The following MICU1 variants were observed in gnomAD, a reference collection of about 807,000 sequenced individuals.
The protein encoded by MICU1 is mitochondrial calcium uptake 1, also known as calcium uptake protein 1, mitochondrial.
In MICU1, 45 loss-of-function variants were observed where a neutral mutation model predicts 56.8. The observed-to-expected ratio is 0.79, with a 90% CI of 0.62 to 1.02. The LOEUF is 1.02. Among genes scored for constraint, MICU1 ranks in the 50% least tolerant of loss-of-function variants. The pLI, the probability that MICU1 is intolerant of heterozygous loss-of-function variation, is 0.00. For missense variants in MICU1, 504 were observed against 587.1 expected (o/e 0.86, Z 1.46); for synonymous variants, 186 against 195.1 (o/e 0.95, Z 0.39).
intron 8 of MICU1, among the ~76,000 whole-genome samples, chr10:72,471,232 G>A (rs890778770): frequency 4.6e-5 from 7 of 152,090 alleles, no homozygotes; most frequent in Non-Finnish European, 1.0e-4. Context: ...CTACAGGCAC[G>A]CGCCACCATG....
At chr10:72,504,813 C>T (rs922975595) in intron 6 of MICU1, among the ~76,000 whole-genome samples, 1 of 151,968 alleles carries the variant, frequency 6.6e-6, no homozygotes, top group Admixed American at 6.6e-5. Flanking sequence ...TAAAAGTGGG[C>T]AAAGGACATG....
chr10:72,494,161 C>T (rs899595674), intron 6 of MICU1, among the ~76,000 whole-genome samples: 2 of 152,116 alleles, frequency 1.3e-5, no homozygotes, highest in Non-Finnish European at 2.9e-5. Flanking sequence ...AACTCTAGGA[C>T]AATTTAACCT....
intron 1 of MICU1, among the ~76,000 whole-genome samples, chr10:72,585,994 ATTTTTTCTTTTTTTTTTTC>A (rs1841041359): frequency 1.0e-5 from 1 of 100,206 alleles, no homozygotes; most frequent in Non-Finnish European, 2.1e-5. Flanking sequence ...TATTGTTTTT[ATTTTTTCTTTTTTTTTTTC>A]TTTTTTTTTT....
intron 2 of MICU1, among the ~76,000 whole-genome samples, chr10:72,565,350 G>A (rs1840404042): frequency 6.6e-6 from 1 of 151,946 alleles, no homozygotes; most frequent in Non-Finnish European, 1.5e-5. Flanking sequence ...GGACATGGAT[G>A]AAGCTGGAAA....
At position 72,368,073 on chromosome 10, in the gene MICU1, G is replaced by A. The variant is rs966794518; in HGVS notation, c.*122C>T. On this transcript the variant is annotated 3_prime_UTR_variant, in exon 12 of 12. Coordinates refer to ENST00000361114, the MANE Select transcript of MICU1 (RefSeq NM_001195518.2). ...AAAGAGGGGAAACCGACAGAGTCCT[G>A]AGGTCATCCCGGGAGGAAGGGGGAC... The A allele has an allele frequency of 6.6e-6, 7 of 1,067,882 alleles. No individual in the cohort carries two copies. The highest frequency in any genetic ancestry group is 8.0e-6 in the Non-Finnish European group (6 of 746,330). 66.2% of individuals were successfully genotyped at this position (1,067,882 alleles called of 1,614,324 possible).
chr10:72,373,134 T>C (rs1000910853), intron 11 of MICU1, among the ~76,000 whole-genome samples: 1 of 152,000 alleles, frequency 6.6e-6, no homozygotes, highest in Non-Finnish European at 1.5e-5. Context: ...AGAAGTCTAT[T>C]TGAAAATCGA....
At chr10:72,474,420 C>G (rs943983888) in intron 8 of MICU1, among the ~76,000 whole-genome samples, 3 of 151,916 alleles carry the variant, frequency 2.0e-5, no homozygotes, top group African/African-American at 7.3e-5. Context: ...TTGAATGGAA[C>G]AGAATAAATA....
At chr10:72,439,011 A>G (rs893646462) in intron 8 of MICU1, among the ~76,000 whole-genome samples, 2 of 152,216 alleles carry the variant, frequency 1.3e-5, no homozygotes, top group African/African-American at 2.4e-5. Flanking sequence ...AACTATTCCA[A>G]TCAATAGAAA....
At chr10:72,378,193 C>G (rs1862587533) in intron 10 of MICU1, among the ~76,000 whole-genome samples, 1 of 152,198 alleles carries the variant, frequency 6.6e-6, no homozygotes, top group Admixed American at 6.5e-5. Flanking sequence ...GCGGAGGTTG[C>G]AGTGAGCCAA....
In MICU1 at chr10:72,504,570, C is replaced by T. The variant is rs191222915; in HGVS notation, c.652+3585G>A. On this transcript the variant is annotated intron_variant, in intron 6 of 11. Coordinates refer to ENST00000361114, the MANE Select transcript of MICU1 (RefSeq NM_001195518.2). ...ACCATTCTAGACATCAACTTTGGGG[C>T]GAAATTTATGAGTTATTCCCCAAAA... is the stretch of plus-strand genomic sequence containing the variant. 1.6e-3 allele frequency among the ~76,000 whole-genome samples: 250 copies of T among 151,958 alleles called. 1 individual carries two copies. Among genetic ancestry groups the T allele is most frequent in the African/African-American group, 5.8e-3 (240 of 41,478 alleles).
chr10:72,524,203 C>G (rs1293397342), intron 5 of MICU1, among the ~76,000 whole-genome samples: 1 of 152,134 alleles, frequency 6.6e-6, no homozygotes, highest in Non-Finnish European at 1.5e-5. Context: ...TCACTACAAC[C>G]TCCAACTCCT....
chr10:72,574,223 G>A (rs1175422251), intron 1 of MICU1, among the ~76,000 whole-genome samples: 3 of 152,122 alleles, frequency 2.0e-5, no homozygotes, highest in Non-Finnish European at 2.9e-5. Context: ...CAATTAAAGT[G>A]AGAACTCAGT....
chr10:72,496,286 C>A lies in MICU1; in HGVS notation c.652+11869G>T, dbSNP rs566850327. Among the ~76,000 whole-genome samples, 11 of 151,034 alleles carry A rather than the reference C, an allele frequency of 7.3e-5. No homozygotes were observed. The East Asian group carries it at 1.2e-3, about 16-fold the overall frequency. The stretch of plus-strand genomic sequence containing the variant: ...GGGATAATATAGGCATGTGCCACCA[C>A]GCCTGGCTAATTCCTTTTTTTTTTT... On this transcript the variant is annotated intron_variant, in intron 6 of 11. Transcript: ENST00000361114.
intron 9 of MICU1, among the ~76,000 whole-genome samples, chr10:72,421,490 G>C (rs534453304): frequency 6.6e-6 from 1 of 152,152 alleles, no homozygotes; most frequent in Admixed American, 6.6e-5. Flanking sequence ...GGCCAGGCTG[G>C]TCTTGAACTC....
At chr10:72,411,843 A>G (rs762727048) in intron 9 of MICU1, among the ~76,000 whole-genome samples, 3 of 152,236 alleles carry the variant, frequency 2.0e-5, no homozygotes, top group Non-Finnish European at 4.4e-5. Flanking sequence ...TATGCTGAGA[A>G]TTATCTGAGG....
At chr10:72,589,923 C>T (rs1341626236) in intron 1 of MICU1, among the ~76,000 whole-genome samples, 2 of 152,010 alleles carry the variant, frequency 1.3e-5, no homozygotes, top group Non-Finnish European at 2.9e-5. Context: ...TAGTTTATCA[C>T]ACTGTATTTG....
chr10:72,460,934 A>G (rs142801549), intron 8 of MICU1, among the ~76,000 whole-genome samples: 2 of 152,286 alleles, frequency 1.3e-5, no homozygotes, highest in African/African-American at 4.8e-5. Flanking sequence ...TCCAAAAACC[A>G]TAACTCTAAA....
intron 9 of MICU1, among the ~76,000 whole-genome samples, chr10:72,419,023 G>A (rs1864073990): frequency 6.6e-6 from 1 of 152,130 alleles, no homozygotes; most frequent in Non-Finnish European, 1.5e-5. Flanking sequence ...CTTTTGCAAG[G>A]TCTTCAGATC....
chr10:72,368,536 A>G (rs1196462772), intron 11 of MICU1, among the ~76,000 whole-genome samples, 181 bp from the exon 12 acceptor site: 1 of 152,212 alleles, frequency 6.6e-6, no homozygotes, highest in African/African-American at 2.4e-5. Context: ...ACTGCAACTC[A>G]GTGACAGTTC....
Sources: gnomAD v4.1 joint callset for allele counts (sites outside exome capture counted in the v4.1 genomes callset) on GRCh38, gnomAD v4.1.1 for gene constraint, MANE v1.5 for transcripts, NCBI Gene and HGNC (gene_info 2026-07-23, HGNC 2026-07-21) for gene names.